TAFA1: variants seen among roughly 807,000 people sequenced by gnomAD.
TAFA1 encodes chemokine-like protein TAFA-1.
Under a neutral mutation model 18.5 loss-of-function variants are expected in TAFA1, and 4 were observed. That is an observed-to-expected ratio of 0.22 (90% CI 0.11 to 0.49). The LOEUF is 0.49. Ranked by LOEUF, TAFA1 falls within the 20% of genes least tolerant of loss-of-function variation. The probability of loss-of-function intolerance (pLI) is 0.98; values close to 1 mark genes in which losing one functional copy is unlikely to be tolerated. For synonymous variants in TAFA1, 56 were observed against 55.2 expected (o/e 1.01, Z -0.06); for missense variants, 147 against 169.0 (o/e 0.87, Z 0.72).
intron 2 of TAFA1, among the ~76,000 whole-genome samples, chr3:68,225,559 T>C (rs772180729): frequency 3.3e-5 from 5 of 152,150 alleles, no homozygotes; most frequent in African/African-American, 4.8e-5. Context: ...TGGATACTGA[T>C]AGTCGTAGGA....
intron 2 of TAFA1, among the ~76,000 whole-genome samples, chr3:68,102,444 C>T (rs1247572704): frequency 6.6e-6 from 1 of 152,094 alleles, no homozygotes; most frequent in Non-Finnish European, 1.5e-5. Flanking sequence ...GATTTTTACC[C>T]TACCATAATT....
At chr3:68,398,223 A>G (rs1234987099) in intron 2 of TAFA1, among the ~76,000 whole-genome samples, 2 of 152,192 alleles carry the variant, frequency 1.3e-5, no homozygotes, top group Non-Finnish European at 2.9e-5. Context: ...CAAAACAAAT[A>G]TATAGACCAA....
chr3:68,169,149 T>C (rs1333121873), intron 2 of TAFA1, among the ~76,000 whole-genome samples: 1 of 152,248 alleles, frequency 6.6e-6, no homozygotes, highest in East Asian at 1.9e-4. Flanking sequence ...TGGTCTTGTA[T>C]GACTGATTGA....
At chr3:68,121,259 G>A (rs1283146268) in intron 2 of TAFA1, among the ~76,000 whole-genome samples, 1 of 145,682 alleles carries the variant, frequency 6.9e-6, no homozygotes, top group Admixed American at 6.9e-5. Flanking sequence ...ATGTGTGTGT[G>A]TGTGTGTGTG....
intron 2 of TAFA1, among the ~76,000 whole-genome samples, chr3:68,043,278 C>A (rs746367998): frequency 6.6e-6 from 1 of 152,166 alleles, no homozygotes; most frequent in Non-Finnish European, 1.5e-5. Context: ...TTGAGTGATT[C>A]TGCTGCTACT....
chr3:68,238,308 C>T (rs2066955231), intron 2 of TAFA1, among the ~76,000 whole-genome samples: 1 of 152,172 alleles, frequency 6.6e-6, no homozygotes, highest in Non-Finnish European at 1.5e-5. Flanking sequence ...AGGCTGAGAC[C>T]TGGACCTTGT....
At chr3:68,378,351 G>C (rs1465754573) in intron 2 of TAFA1, among the ~76,000 whole-genome samples, 1 of 152,210 alleles carries the variant, frequency 6.6e-6, no homozygotes, top group Non-Finnish European at 1.5e-5. Context: ...TGCCCTGCTG[G>C]ATTGCAGATT....
At chr3:68,106,106 T>C (rs1269252695) in intron 2 of TAFA1, among the ~76,000 whole-genome samples, 2 of 151,640 alleles carry the variant, frequency 1.3e-5, no homozygotes, top group African/African-American at 4.8e-5. Context: ...CACATGGTGA[T>C]AAACACAAAA....
chr3:68,486,072 T>TTTTTATTTTA (rs1438865835), intron 3 of TAFA1, among the ~76,000 whole-genome samples: 21 of 127,524 alleles, frequency 1.6e-4, no homozygotes, highest in South Asian at 2.4e-4. Flanking sequence ...TAAATTTTTA[T>TTTTTATTTTA]TTTTATTTTA....
At chr3:68,040,476 T>C (rs1380133014) in intron 2 of TAFA1, among the ~76,000 whole-genome samples, 1 of 152,194 alleles carries the variant, frequency 6.6e-6, no homozygotes, top group Non-Finnish European at 1.5e-5. Flanking sequence ...GAAGCTCTAA[T>C]GTAAACTCTG....
intron 2 of TAFA1, among the ~76,000 whole-genome samples, chr3:68,274,749 C>A (rs537455409): frequency 6.6e-6 from 1 of 152,280 alleles, no homozygotes; most frequent in East Asian, 1.9e-4. Context: ...GGCTGCCTGT[C>A]TAGCATGTGT....
At chr3:68,022,840 TATTATA>T (rs1575578502) in intron 2 of TAFA1, among the ~76,000 whole-genome samples, 3 of 23,542 alleles carry the variant, frequency 1.3e-4, no homozygotes, top group South Asian at 2.4e-3. Flanking sequence ...AATATATATA[TATTATA>T]TATATATATA....
chr3:68,511,445 A>G (rs190617906), intron 3 of TAFA1, among the ~76,000 whole-genome samples: 277 of 152,254 alleles, frequency 1.8e-3, no homozygotes, highest in Middle Eastern at 3.4e-3. Flanking sequence ...GGCTAGAATT[A>G]CACTGGAGAA....
intron 2 of TAFA1, among the ~76,000 whole-genome samples, chr3:68,207,090 G>A (rs1188479251): frequency 6.6e-6 from 1 of 151,846 alleles, no homozygotes; most frequent in Non-Finnish European, 1.5e-5. Context: ...TGCCTGGTAA[G>A]GACTACCCTG....
At chr3:68,158,558 A>C (rs1321140045) in intron 2 of TAFA1, among the ~76,000 whole-genome samples, 2 of 151,884 alleles carry the variant, frequency 1.3e-5, no homozygotes, top group African/African-American at 4.8e-5. Context: ...TTACCCAGTC[A>C]AGTTTTCAGG....
At chr3:68,505,884 CTT>C (rs35014492) in intron 3 of TAFA1, among the ~76,000 whole-genome samples, 13 of 150,180 alleles carry the variant, frequency 8.7e-5, no homozygotes, top group South Asian at 6.3e-4. Flanking sequence ...TATTCTATTT[CTT>C]TTTTTTTTTA....
At chr3:68,127,580 A>ATGTTGGTG (rs2065478957) in intron 2 of TAFA1, among the ~76,000 whole-genome samples, 2 of 2,062 alleles carry the variant, frequency 9.7e-4, no homozygotes, top group Non-Finnish European at 2.0e-3. Flanking sequence ...TAGTGGTGGT[A>ATGTTGGTG]GTGATGGTAG....
chr3:68,360,562 GT>G (rs1428461940), intron 2 of TAFA1, among the ~76,000 whole-genome samples: 14 of 151,650 alleles, frequency 9.2e-5, no homozygotes, highest in Non-Finnish European at 1.6e-4. Context: ...TGGTTGTTGG[GT>G]TTTTTTTAAG....
Position 68,349,643 on chromosome 3 carries a change from C to CA in TAFA1, c.119-67636dup, listed in dbSNP as rs200290989. On this transcript the variant is annotated intron_variant, in intron 2 of 4. Coordinates refer to ENST00000478136, the MANE Select transcript of TAFA1 (RefSeq NM_213609.4). ...TAACTATTTTAGGCTTTGAGGCTTA[C>CA]AGGTTTCTATCACAAACACTTAACT... Among the ~76,000 whole-genome samples the CA allele has an allele frequency of 4.8e-3, 730 of 152,222 alleles. 6 individuals carry two copies. The highest frequency in any genetic ancestry group is 0.016 in the African/African-American group (650 of 41,548).
Sources: gnomAD v4.1 joint callset for allele counts (sites outside exome capture counted in the v4.1 genomes callset) on GRCh38, gnomAD v4.1.1 for gene constraint, MANE v1.5 for transcripts, NCBI Gene and HGNC (gene_info 2026-07-23, HGNC 2026-07-21) for gene names.